PCNX2: variants seen among roughly 807,000 people sequenced by gnomAD.
PCNX2 encodes the protein pecanex-like protein 2.
Under a neutral mutation model 223.8 loss-of-function variants are expected in PCNX2, and 168 were observed. The observed-to-expected ratio is 0.75, with a 90% CI of 0.66 to 0.85. PCNX2 has a LOEUF of 0.85. Among genes scored for constraint, PCNX2 ranks in the 40% least tolerant of loss-of-function variants. The pLI is 0.00. For synonymous variants in PCNX2, 1,006 were observed against 1,052.6 expected (o/e 0.96, Z 0.86); for missense variants, 2,507 against 2,675.5 (o/e 0.94, Z 1.39).
At chr1:233,226,348 C>T (rs1168170927) in intron 10 of PCNX2, among the ~76,000 whole-genome samples, 1 of 152,186 alleles carries the variant, frequency 6.6e-6, no homozygotes, top group Non-Finnish European at 1.5e-5. Context: ...CAGCTCACTG[C>T]AGCCTCCGCC....
chr1:233,098,577 A>G (rs1330917676), intron 21 of PCNX2, among the ~76,000 whole-genome samples: 2 of 152,148 alleles, frequency 1.3e-5, no homozygotes, highest in East Asian at 3.9e-4. Context: ...TTTCAACATG[A>G]AGCTCATAAA....
At chr1:233,302,279 AT>A in the PCNX2 span, among the ~76,000 whole-genome samples, 1 of 151,916 alleles carries the variant, frequency 6.6e-6, no homozygotes. Flanking sequence ...TGGTAAATAT[AT>A]TTTTTTCTAG....
At chr1:232,987,591 G>A (rs888730214) in intron 32 of PCNX2, among the ~76,000 whole-genome samples, 4 of 152,236 alleles carry the variant, frequency 2.6e-5, no homozygotes, top group African/African-American at 9.6e-5. Context: ...GACGTCCTAT[G>A]CATTGCCTTG....
At chr1:233,295,927 TC>T (rs1662079490), upstream of PCNX2, among the ~76,000 whole-genome samples, 2 of 146,184 alleles carry the variant, frequency 1.4e-5, no homozygotes, top group East Asian at 2.0e-4. The surrounding 1 kb of genome is among the most constrained non-coding windows in gnomAD (Gnocchi z 4.1). Context: ...TCCCTCTCTC[TC>T]TCTTTCTTCC....
chr1:232,986,798 C>G (rs1295825321), intron 32 of PCNX2, among the ~76,000 whole-genome samples: 1 of 152,190 alleles, frequency 6.6e-6, no homozygotes, highest in Non-Finnish European at 1.5e-5. Context: ...GTGTGAGAAG[C>G]TGCAGCCAGG....
chr1:233,142,403 T>C (rs1189284894), intron 19 of PCNX2, among the ~76,000 whole-genome samples: 1 of 152,200 alleles, frequency 6.6e-6, no homozygotes, highest in Non-Finnish European at 1.5e-5. Flanking sequence ...TACTCATATC[T>C]ACTACTGGCT....
chr1:233,131,933 G>T (rs902659088), intron 21 of PCNX2, among the ~76,000 whole-genome samples: 3 of 131,296 alleles, frequency 2.3e-5, no homozygotes, highest in African/African-American at 8.8e-5. Context: ...TGTGGATTTC[G>T]TTTTAGATCT....
chr1:233,047,291 G>T, intron 25 of PCNX2: 1 of 799,788 alleles, frequency 1.3e-6, no homozygotes, highest in Non-Finnish European at 1.5e-6. Flanking sequence ...GATGAGACCA[G>T]AACATTTATT....
chr1:233,063,943 T>A (rs1193703116), intron 23 of PCNX2, among the ~76,000 whole-genome samples: 1 of 152,206 alleles, frequency 6.6e-6, no homozygotes, highest in Non-Finnish European at 1.5e-5. Context: ...AATGACTATA[T>A]GCATTTATTT....
At chr1:233,271,604 C>A (rs1051135031) in intron 1 of PCNX2, among the ~76,000 whole-genome samples, 8 of 152,106 alleles carry the variant, frequency 5.3e-5, no homozygotes, top group Non-Finnish European at 1.2e-4. Context: ...ATATTAAAAT[C>A]AGGTCTTAGG....
At chr1:233,087,533 A>G (rs1673666002) in intron 23 of PCNX2, among the ~76,000 whole-genome samples, 1 of 152,198 alleles carries the variant, frequency 6.6e-6, no homozygotes, top group Non-Finnish European at 1.5e-5. Flanking sequence ...ACTAAAACTC[A>G]TTAATGAGGA....
At chr1:233,275,633 T>C (rs1165436880) in intron 1 of PCNX2, among the ~76,000 whole-genome samples, 1 of 152,344 alleles carries the variant, frequency 6.6e-6, no homozygotes, top group South Asian at 2.1e-4. Context: ...AGAATTAACA[T>C]AGGATCTGGC....
rs1284308890 is a variant in PCNX2 at position 233,212,039 on chromosome 1, C to T, written c.2692-3350G>A. Among the ~76,000 whole-genome samples the T allele has an allele frequency of 4.6e-5, 7 of 152,322 alleles. No individual in the cohort carries two copies. In the East Asian group the frequency reaches 1.3e-3, roughly 29 times the overall value. On this transcript the variant is annotated intron_variant, in intron 12 of 33. Coordinates refer to ENST00000258229, the MANE Select transcript of PCNX2 (RefSeq NM_014801.4). ...GTTTGCTGTGTTTTATCATTTCTCA[C>T]AATGGTGTAGGTTAGTTTAATTAAA...
rs182600121 is a variant in PCNX2 at position 233,222,160 on chromosome 1, A to C, written c.2505-3976T>G. 7.1e-4 allele frequency among the ~76,000 whole-genome samples: 108 copies of C among 152,344 alleles called. No homozygotes were observed. In the East Asian group the frequency reaches 0.017, roughly 24 times the overall value. Reference sequence around the variant, plus strand: ...TTCCATGCGCAGGAACTGCCAGTACAAAGGTCTTAAGCTGGAGGATTGCCT... The same window carrying C: ...TTCCATGCGCAGGAACTGCCAGTACCAAGGTCTTAAGCTGGAGGATTGCCT... On this transcript the variant is annotated intron_variant, in intron 10 of 33. Coordinates refer to ENST00000258229, the MANE Select transcript of PCNX2 (RefSeq NM_014801.4).
chr1:233,120,164 CA>C (rs1228898502), intron 21 of PCNX2, among the ~76,000 whole-genome samples: 2,904 of 42,614 alleles, frequency 0.068, 9 homozygotes, highest in Non-Finnish European at 0.09. Flanking sequence ...GACTCCATTT[CA>C]AAAAAAAAAA....
At chr1:233,307,247 G>T in the PCNX2 span, among the ~76,000 whole-genome samples, 1 of 152,210 alleles carries the variant, frequency 6.6e-6, no homozygotes, top group African/African-American at 2.4e-5. Flanking sequence ...CCCCAACGGT[G>T]GAGGTGGGTG....
intron 21 of PCNX2, among the ~76,000 whole-genome samples, chr1:233,100,184 A>G (rs1674405196): frequency 6.6e-6 from 1 of 152,276 alleles, no homozygotes; most frequent in Non-Finnish European, 1.5e-5. Context: ...AGGCCATGGC[A>G]GGCAGATCAC....
intron 1 of PCNX2, among the ~76,000 whole-genome samples, chr1:233,263,432 A>T (rs150604820): frequency 0.01 from 1,526 of 149,910 alleles, 13 homozygotes; most frequent in South Asian, 0.028. Flanking sequence ...AACAAAAGAT[A>T]TATTCGAGGA....
chr1:233,287,531 CTT>C (rs1212166920), intron 1 of PCNX2, among the ~76,000 whole-genome samples: 1 of 152,228 alleles, frequency 6.6e-6, no homozygotes, highest in African/African-American at 2.4e-5. Context: ...CACAAGCTCT[CTT>C]GTCTACCACC....
Sources: gnomAD v4.1 joint callset for allele counts (sites outside exome capture counted in the v4.1 genomes callset) on GRCh38, gnomAD v4.1.1 for gene constraint, Gnocchi (gnomAD v3.1) non-coding constraint, MANE v1.5 for transcripts, NCBI Gene and HGNC (gene_info 2026-07-23, HGNC 2026-07-21) for gene names.